Variants in CDC25B observed in about 807,000 individuals in gnomAD.
The protein encoded by CDC25B is cell division cycle 25B, also known as M-phase inducer phosphatase 2.
Under a neutral mutation model 69.8 loss-of-function variants are expected in CDC25B, and 33 were observed. That is an observed-to-expected ratio of 0.47 (90% CI 0.36 to 0.63). The LOEUF (loss-of-function observed/expected upper bound fraction) is 0.63, where lower values mean the gene tolerates loss of function less well. Ranked by LOEUF, CDC25B falls within the 30% of genes least tolerant of loss-of-function variation. The pLI, the probability that CDC25B is intolerant of heterozygous loss-of-function variation, is 0.00. For missense variants in CDC25B, 727 were observed against 809.1 expected (o/e 0.90, Z 1.23); for synonymous variants, 341 against 314.6 (o/e 1.08, Z -0.89).
At chr20:3,787,062 C>T (rs2088837774) in exon 1 of CDC25B, 2 of 577,662 alleles carry the variant, frequency 3.5e-6, no homozygotes, top group South Asian at 4.3e-5. Flanking sequence ...GTAAAAATAA[C>T]GCACTTTTTT....
chr20:3,800,270 G>C lies in CDC25B; in HGVS notation c.381-18G>C, dbSNP rs1261556511. 9 of 1,613,822 alleles carry C rather than the reference G, an allele frequency of 5.6e-6. No individual in the cohort carries two copies. In the Admixed American group the frequency reaches 8.3e-5, roughly 15 times the overall value. On this transcript the variant is annotated intron_variant, in intron 3 of 15. Transcript: ENST00000245960. ...TGCGGAGGGAGCATGGGTTGCATGG[G>C]ACCCTTCTCTGTCCTAGGTTTGAAC...
chr20:3,800,383 C>A, intron 4 of CDC25B, 54 bp downstream of exon 4: 1 of 1,611,228 alleles, frequency 6.2e-7, no homozygotes. Flanking sequence ...TAGGACAGGG[C>A]TCCAGAAGGG....
In CDC25B at chr20:3,800,489, G is replaced by A. The variant is rs61755298; in HGVS notation, c.450G>A (p.Gln150=). The change falls in exon 5 of 16, where the codon CAG becomes CAA. Residue 150 remains glutamine, a synonymous_variant. Transcript: ENST00000245960. ...AGCAGTTTGCCATCAGACGCTTCCAGTCTATGCCGGTGAGTGTCTTCGAGG... is the reference window on the plus strand; with the variant it reads ...AGCAGTTTGCCATCAGACGCTTCCAATCTATGCCGGTGAGTGTCTTCGAGG... ...RNEQFAIRRF[Q]SMPVRLLGHS... is the part of the protein sequence containing the mutation. The A allele has an allele frequency of 1.7e-5, 27 of 1,614,116 alleles. No individual in the cohort carries two copies. The highest frequency in any genetic ancestry group is 3.3e-5 in the Admixed American group (2 of 60,012).
At chr20:3,791,718 C>T (rs769729783), upstream of CDC25B, among the ~76,000 whole-genome samples, 4 of 152,096 alleles carry the variant, frequency 2.6e-5, no homozygotes, top group Non-Finnish European at 5.9e-5. Flanking sequence ...CTGTGCCTCC[C>T]ATCAGTTCCT....
intron 2 of CDC25B, 49 bp downstream of exon 2, chr20:3,797,798 G>T: frequency 1.2e-6 from 2 of 1,605,874 alleles, no homozygotes; most frequent in Non-Finnish European, 1.7e-6. Context: ...AGGAGAGTTT[G>T]TGGGGGCTGC....
At chr20:3,802,151 C>G (rs750631151) in intron 10 of CDC25B, 51 bp downstream of exon 10, 1 of 1,534,790 alleles carries the variant, frequency 6.5e-7, no homozygotes, top group Non-Finnish European at 8.8e-7. Flanking sequence ...GGGCAGCCAC[C>G]CCCTTGGCTA....
Position 3,800,776 on chromosome 20 carries a change from A to G in CDC25B, c.493A>G (p.Asn165Asp), listed in dbSNP as rs765024374. 8.1e-6 allele frequency: 13 copies of G among 1,611,650 alleles called. No individual in the cohort carries two copies. The South Asian group carries it at 1.4e-4, about 18-fold the overall frequency. Residue 165 changes from asparagine (N) to aspartate (D), a missense_variant, in exon 6 of 16, where the codon AAC (asparagine) becomes GAC (aspartate). Physicochemically the swap from Asn to Asp is conservative, Grantham distance 23. Coordinates refer to ENST00000245960, the MANE Select transcript of CDC25B (RefSeq NM_021873.4). The part of the protein sequence containing the change: ...RLLGHSPVLR[N>D]ITNSQAPDGR... ...GCTGGGCCACAGCCCCGTGCTTCGG[A>G]ACATCACCAACTCCCAGGCGCCCGA...
At chr20:3,802,207 G>A in intron 10 of CDC25B, 74 bp from the exon 11 acceptor site, 3 of 1,557,000 alleles carry the variant, frequency 1.9e-6, no homozygotes, top group Non-Finnish European at 2.6e-6. Context: ...GGCAGAGAAA[G>A]GGGGTACCAG....
At chr20:3,800,352 C>A in intron 4 of CDC25B, 23 bp downstream of exon 4, 1 of 1,614,046 alleles carries the variant, frequency 6.2e-7, no homozygotes, top group Non-Finnish European at 8.5e-7. Context: ...GGGCCTCTTC[C>A]ATCTACCACA....
upstream of CDC25B, among the ~76,000 whole-genome samples, chr20:3,794,284 T>C (rs996669162): frequency 7.3e-5 from 11 of 151,416 alleles, no homozygotes; most frequent in African/African-American, 2.2e-4. Context: ...TTTTAATGAT[T>C]GCCATTCTAA....
At chr20:3,802,764 C>G (rs903623862) in intron 11 of CDC25B, 146 bp from the exon 12 acceptor site, 1 of 675,922 alleles carries the variant, frequency 1.5e-6, no homozygotes, top group African/African-American at 1.8e-5. Context: ...AGAGGTGCCT[C>G]TCAGTTGCCA....
chr20:3,789,716 G>A (rs1303101265), intron 1 of CDC25B, among the ~76,000 whole-genome samples: 8 of 151,956 alleles, frequency 5.3e-5, no homozygotes, highest in African/African-American at 9.7e-5. Flanking sequence ...AACATTGGGC[G>A]CGGTGGCTCA....
At chr20:3,802,805 G>A in intron 11 of CDC25B, 105 bp from the exon 12 acceptor site, 1 of 920,158 alleles carries the variant, frequency 1.1e-6, no homozygotes, top group East Asian at 2.5e-5. Flanking sequence ...GAAGGCCAAA[G>A]CAGGTGTGGC....
chr20:3,788,710 T>C (rs1191668271), intron 1 of CDC25B, among the ~76,000 whole-genome samples: 2 of 152,190 alleles, frequency 1.3e-5, no homozygotes, highest in Admixed American at 1.3e-4. Flanking sequence ...GCCATGCATC[T>C]TTTCTTTCTT....
upstream of CDC25B, among the ~76,000 whole-genome samples, chr20:3,794,630 T>C (rs1306161354): frequency 6.6e-6 from 1 of 152,054 alleles, no homozygotes. Context: ...GTCCAGGGCA[T>C]AACCCCTGAC....
Position 3,805,249 on chromosome 20 carries a change from T to C in CDC25B, c.*288T>C. On this transcript the variant is annotated 3_prime_UTR_variant, in exon 16 of 16. Coordinates refer to ENST00000245960, the MANE Select transcript of CDC25B (RefSeq NM_021873.4). ...TTGTGTCCTCCAGGAGCTTCTTGTTTCCTTGTTAGGGTTAACCCTTCATCT... is the reference window on the plus strand; with the variant it reads ...TTGTGTCCTCCAGGAGCTTCTTGTTCCCTTGTTAGGGTTAACCCTTCATCT... 2 of 457,560 alleles carry C rather than the reference T, an allele frequency of 4.4e-6. No individual in the cohort carries two copies. The highest frequency in any genetic ancestry group is 5.8e-5 in the South Asian group (2 of 34,360). 28.3% of individuals were successfully genotyped at this position (457,560 alleles called of 1,614,324 possible). A position where few individuals can be genotyped will look rare whatever the true frequency, so the allele number is the denominator to read the frequency against.
intron 3 of CDC25B, among the ~76,000 whole-genome samples, chr20:3,799,993 T>TG (rs1288285917): frequency 6.6e-6 from 1 of 152,128 alleles, no homozygotes. Flanking sequence ...GCGAGACTGT[T>TG]GCCTTGGTGA....
chr20:3,804,404 T>G (rs760716166), intron 14 of CDC25B, among the ~76,000 whole-genome samples, 165 bp from the exon 15 acceptor site: 3 of 152,194 alleles, frequency 2.0e-5, no homozygotes, highest in Non-Finnish European at 4.4e-5. Flanking sequence ...CACCCTCTTC[T>G]GTAGCCAGAG....
upstream of CDC25B, among the ~76,000 whole-genome samples, chr20:3,792,044 G>A (rs573496729): frequency 1.3e-5 from 2 of 151,920 alleles, no homozygotes; most frequent in African/African-American, 4.8e-5. Context: ...CTCCCAAGTA[G>A]CTGGGATTAC....
Sources: gnomAD v4.1 joint callset for allele counts (sites outside exome capture counted in the v4.1 genomes callset) on GRCh38, gnomAD v4.1.1 for gene constraint, MANE v1.5 for transcripts, NCBI Gene and HGNC (gene_info 2026-07-23, HGNC 2026-07-21) for gene names.